The following LRFN5 variants were observed in gnomAD, a reference collection of about 807,000 sequenced individuals.
LRFN5 encodes leucine-rich repeat and fibronectin type-III domain-containing protein 5.
In LRFN5, 24 loss-of-function variants were observed where a neutral mutation model predicts 45.6. The ratio of observed to expected loss-of-function variants is 0.53; its 90% confidence interval spans 0.38 to 0.74. LRFN5 has a LOEUF of 0.74. Among genes scored for constraint, LRFN5 ranks in the 30% least tolerant of loss-of-function variants. The pLI, the probability that LRFN5 is intolerant of heterozygous loss-of-function variation, is 0.00. For missense variants in LRFN5, 776 were observed against 861.5 expected (o/e 0.90, Z 1.24); for synonymous variants, 340 against 313.8 (o/e 1.08, Z -0.88).
Position 41,866,137 on chromosome 14 carries a change from C to A in LRFN5, c.-20-20469C>A, listed in dbSNP as rs894166415. ...ACTACTCCCAATTTCAAGGCCACAA[C>A]AATTTACACCTCTGTTTTTATCTAG... On this transcript the variant is annotated intron_variant, in intron 2 of 5. Transcript: ENST00000298119. 2.6e-5 allele frequency among the ~76,000 whole-genome samples: 4 copies of A among 152,234 alleles called. No homozygotes were observed. The East Asian group carries it at 7.7e-4, about 29-fold the overall frequency.
At chr14:41,812,167 A>C (rs535901436) in intron 2 of LRFN5, among the ~76,000 whole-genome samples, 1 of 152,216 alleles carries the variant, frequency 6.6e-6, no homozygotes, top group African/African-American at 2.4e-5. Flanking sequence ...AAACTGAGTT[A>C]TTACCTTACA....
In LRFN5 at chr14:41,899,035, A is replaced by AT. The variant is rs201537456; in HGVS notation, c.2142+77dup. On this transcript the variant is annotated intron_variant, in intron 5 of 5. Coordinates refer to ENST00000298119, the MANE Select transcript of LRFN5 (RefSeq NM_152447.5). ...ACTTTTTATAAATTAACTTTAAGTAATTAGTTTGCTAATTTATGTAGCTTG... is the reference window on the plus strand; with the variant it reads ...ACTTTTTATAAATTAACTTTAAGTAATTTAGTTTGCTAATTTATGTAGCTTG... The AT allele has an allele frequency of 2.1e-3, 2,524 of 1,175,130 alleles. 47 individuals are homozygous for AT. The African/African-American group carries it at 0.037, about 17-fold the overall frequency. The allele number at this position is 1,175,130 out of a possible 1,614,324, so 72.8% of individuals were successfully genotyped here.
Position 41,727,831 on chromosome 14 carries a change from T to C in LRFN5, c.-196-39023T>C, listed in dbSNP as rs564145880. Reference sequence around the variant, plus strand: ...ATGTGACTTTGAGCCAAAATACTTTTATTTTCTGCATTTATAAAATATTCC... The same window carrying C: ...ATGTGACTTTGAGCCAAAATACTTTCATTTTCTGCATTTATAAAATATTCC... On this transcript the variant is annotated intron_variant, in intron 1 of 5. Coordinates refer to ENST00000298119, the MANE Select transcript of LRFN5 (RefSeq NM_152447.5). Among the ~76,000 whole-genome samples the C allele has an allele frequency of 8.5e-5, 13 of 152,276 alleles. No homozygotes were observed. In the East Asian group the frequency reaches 2.1e-3, roughly 25 times the overall value.
intron 1 of LRFN5, among the ~76,000 whole-genome samples, chr14:41,727,853 T>C (rs778840586): frequency 6.6e-6 from 1 of 152,166 alleles, no homozygotes; most frequent in Non-Finnish European, 1.5e-5. Flanking sequence ...TTATAAAATA[T>C]TCCAACTATG....
chr14:41,728,455 C>T (rs1418824499), intron 1 of LRFN5, among the ~76,000 whole-genome samples: 1 of 152,090 alleles, frequency 6.6e-6, no homozygotes, highest in Non-Finnish European at 1.5e-5. Flanking sequence ...CTTTCCATTT[C>T]AAAAATGATG....
At chr14:41,661,859 A>G (rs752252989) in intron 1 of LRFN5, among the ~76,000 whole-genome samples, 2 of 152,188 alleles carry the variant, frequency 1.3e-5, no homozygotes, top group South Asian at 2.1e-4. Context: ...AAAATTTGCA[A>G]TGAGAGAAAG....
At chr14:41,733,127 G>C (rs1209886176) in intron 1 of LRFN5, among the ~76,000 whole-genome samples, 6 of 151,566 alleles carry the variant, frequency 4.0e-5, no homozygotes, top group African/African-American at 1.5e-4. Context: ...TAGACCTAAA[G>C]AAGAGAGTTA....
At chr14:41,788,238 C>T (rs1398707132) in intron 2 of LRFN5, among the ~76,000 whole-genome samples, 1 of 152,154 alleles carries the variant, frequency 6.6e-6, no homozygotes, top group East Asian at 1.9e-4. Context: ...TACCTTCTAA[C>T]AGCTTTAAAT....
chr14:41,847,399 A>G (rs917690831), intron 2 of LRFN5, among the ~76,000 whole-genome samples: 1 of 152,302 alleles, frequency 6.6e-6, no homozygotes, highest in East Asian at 1.9e-4. Flanking sequence ...TGTTACCAAA[A>G]TATAGTTGGA....
At chr14:41,805,201 C>T (rs1269063250) in intron 2 of LRFN5, among the ~76,000 whole-genome samples, 1 of 151,126 alleles carries the variant, frequency 6.6e-6, no homozygotes, top group Non-Finnish European at 1.5e-5. Context: ...CAGCAAATGT[C>T]TGAACATTTT....
rs746406852 is a variant in LRFN5, at chr14:41,891,615, C to G, written c.1751C>G (p.Thr584Arg). The change falls in exon 4 of 6, where the codon ACG becomes AGG. Residue 584 changes from threonine to arginine, a missense_variant. Physicochemically the swap from Thr to Arg is moderately conservative, Grantham distance 71. Coordinates refer to ENST00000298119, the MANE Select transcript of LRFN5 (RefSeq NM_152447.5). ...GCTCAAATACAAGGCTGTAGTGTAA[C>G]GCTGCCCCAGTCCGTGTCCAAACAA... ...NGAQIQGCSV[T>R]LPQSVSKQAV... 5 of 1,614,134 alleles carry G rather than the reference C, an allele frequency of 3.1e-6. No homozygotes were observed. The Admixed American group carries it at 8.3e-5, about 27-fold the overall frequency.
At chr14:41,839,141 TC>T (rs1163873099) in intron 2 of LRFN5, among the ~76,000 whole-genome samples, 1 of 152,132 alleles carries the variant, frequency 6.6e-6, no homozygotes, top group Non-Finnish European at 1.5e-5. Flanking sequence ...ACTTGGAATG[TC>T]ATATATTTTT....
At chr14:41,660,320 C>A (rs1880588636) in intron 1 of LRFN5, among the ~76,000 whole-genome samples, 1 of 152,222 alleles carries the variant, frequency 6.6e-6, no homozygotes, top group East Asian at 1.9e-4. Context: ...GCCACCACAC[C>A]CAGCCATATG....
intron 2 of LRFN5, among the ~76,000 whole-genome samples, chr14:41,787,892 G>A (rs1274077205): frequency 6.6e-6 from 1 of 152,016 alleles, no homozygotes; most frequent in Non-Finnish European, 1.5e-5. Flanking sequence ...CTTTCGGGAG[G>A]TAATTAAGGT....
chr14:41,890,685 C>T (rs1307448653), intron 3 of LRFN5, among the ~76,000 whole-genome samples: 1 of 143,136 alleles, frequency 7.0e-6, no homozygotes, highest in South Asian at 2.2e-4. Flanking sequence ...CCAGCCTGGG[C>T]GACAGAGCGA....
At position 41,654,285 on chromosome 14, in the gene LRFN5, T is replaced by C. The variant is rs377502476; in HGVS notation, c.-197+45723T>C. On this transcript the variant is annotated intron_variant, in intron 1 of 5. Transcript: ENST00000298119. ...GGAGGAGACATGACATGTTTTATTT[T>C]GTCAAATTAATTCTGAAATGGAGAA... Among the ~76,000 whole-genome samples the C allele has an allele frequency of 1.8e-4, 28 of 152,200 alleles. 1 individual carries two copies. In the East Asian group the frequency reaches 5.0e-3, roughly 27 times the overall value.
At position 41,886,847 on chromosome 14, in the gene LRFN5, G is replaced by T; in HGVS notation, c.222G>T (p.Met74Ile). The change falls in exon 3 of 6, where the codon ATG (methionine) becomes ATT (isoleucine). Residue 74 changes from methionine (M) to isoleucine (I), a missense_variant. Around this residue, in one of 2 missense-constraint regions of LRFN5, gnomAD observed 311 missense variants for 405.1 expected, o/e 0.77. Transcript: ENST00000298119. ...TNIKRKDFAN[M>I]TSLVDLTLSR... Reference sequence around the variant, plus strand: ...TTAAAAGGAAAGATTTTGCCAATATGACCAGCTTGGTGGACCTGACTCTAT... The same window carrying T: ...TTAAAAGGAAAGATTTTGCCAATATTACCAGCTTGGTGGACCTGACTCTAT... 1.2e-6 allele frequency: 2 copies of T among 1,614,022 alleles called. No individual in the cohort carries two copies. Among genetic ancestry groups the T allele is most frequent in the South Asian group, 2.2e-5 (2 of 91,026 alleles).
At chr14:41,873,405 A>G (rs1890084154) in intron 2 of LRFN5, among the ~76,000 whole-genome samples, 2 of 122,556 alleles carry the variant, frequency 1.6e-5, no homozygotes, top group Admixed American at 8.8e-5. Context: ...AGAGAGGAGA[A>G]AGAGAGAGAG....
In LRFN5 at chr14:41,899,787, A is replaced by T. The variant is rs960893434; in HGVS notation, c.2142+827A>T. Among the ~76,000 whole-genome samples the T allele has an allele frequency of 3.0e-4, 45 of 152,158 alleles. 1 individual carries two copies. The highest frequency in any genetic ancestry group is 5.9e-5 in the Non-Finnish European group (4 of 68,018). On this transcript the variant is annotated intron_variant, in intron 5 of 5. Transcript: ENST00000298119. ...TGTCAATCTTTCAGGATCTTCCCTA[A>T]TGAATTCTATCCACAAATCAAAATG...
Sources: allele counts gnomAD v4.1 joint callset (sites outside exome capture counted in the v4.1 genomes callset), GRCh38; gene constraint gnomAD v4.1.1; regional missense constraint gnomAD v4.1.1; transcripts MANE v1.5; gene names NCBI Gene and HGNC (gene_info 2026-07-23, HGNC 2026-07-21).